Variants in NFE2L3 observed in about 807,000 individuals in gnomAD.
The protein encoded by NFE2L3 is nuclear factor erythroid 2-related factor 3.
In NFE2L3, 18 loss-of-function variants were observed where a neutral mutation model predicts 23.5. The observed-to-expected ratio is 0.77, with a 90% CI of 0.53 to 1.13. NFE2L3 has a LOEUF of 1.13. Ranked by LOEUF, NFE2L3 falls within the 50% of genes most tolerant of loss-of-function variation. The probability of loss-of-function intolerance (pLI) is 0.00; values close to 1 mark genes in which losing one functional copy is unlikely to be tolerated. For synonymous variants in NFE2L3, 424 were observed against 354.5 expected (o/e 1.20, Z -2.20); for missense variants, 1,152 against 877.2 (o/e 1.31, Z -3.96).
In NFE2L3 at chr7:26,186,500, AT is replaced by A. The variant is rs1782491428; in HGVS notation, c.*718del. The A allele has an allele frequency of 6.6e-6, 1 of 152,220 alleles. No homozygotes were observed. Among genetic ancestry groups the A allele is most frequent in the African/African-American group, 2.4e-5 (1 of 41,444 alleles). 9.4% of individuals were successfully genotyped at this position (152,220 alleles called of 1,614,324 possible). ...CCCAATACTTAACACACAGAATACTATGTGATATAGAATGCACTGAAGACCT... is the reference window on the plus strand; with the variant it reads ...CCCAATACTTAACACACAGAATACTAGTGATATAGAATGCACTGAAGACCT... On this transcript the variant is annotated 3_prime_UTR_variant, in exon 4 of 4. Transcript: ENST00000056233.
At chr7:26,169,070 CT>C (rs1784297080) in intron 1 of NFE2L3, among the ~76,000 whole-genome samples, 1 of 152,142 alleles carries the variant, frequency 6.6e-6, no homozygotes, top group African/African-American at 2.4e-5. Flanking sequence ...ACACTTGATT[CT>C]AGCCAAAAGG....
Position 26,185,889 on chromosome 7 carries a change from C to T in NFE2L3, c.*106C>T, listed in dbSNP as rs1782472515. 2 of 911,668 alleles carry T rather than the reference C, an allele frequency of 2.2e-6. No homozygotes were observed. The highest frequency in any genetic ancestry group is 3.2e-6 in the Non-Finnish European group (2 of 616,252). 56.5% of individuals were successfully genotyped at this position (911,668 alleles called of 1,614,324 possible). A position where few individuals can be genotyped will look rare whatever the true frequency, so the allele number is the denominator to read the frequency against. ...GCTTCAAGAATTGTATCTTTAAGTA[C>T]TGCTACTTGAATAACTCAGTTAACG... On this transcript the variant is annotated 3_prime_UTR_variant, in exon 4 of 4. Coordinates refer to ENST00000056233, the MANE Select transcript of NFE2L3 (RefSeq NM_004289.7).
At chr7:26,181,625 A>C (rs1413674915) in intron 2 of NFE2L3, among the ~76,000 whole-genome samples, 1 of 152,138 alleles carries the variant, frequency 6.6e-6, no homozygotes, top group African/African-American at 2.4e-5. Flanking sequence ...ACTGCTCCCC[A>C]AAATGCTCAC....
Position 26,186,521 on chromosome 7 carries a change from A to C in NFE2L3, c.*738A>C, listed in dbSNP as rs1428702425. ...TACTATGTGATATAGAATGCACTGA[A>C]GACCTACGGTCACTGGTAGTTTGAG... On this transcript the variant is annotated 3_prime_UTR_variant, in exon 4 of 4. Coordinates refer to ENST00000056233, the MANE Select transcript of NFE2L3 (RefSeq NM_004289.7). 1 of 152,334 alleles carries C rather than the reference A, an allele frequency of 6.6e-6. No individual in the cohort carries two copies. Among genetic ancestry groups the C allele is most frequent in the East Asian group, 1.9e-4 (1 of 5,190 alleles). 9.4% of individuals were successfully genotyped at this position (152,334 alleles called of 1,614,324 possible). A position where few individuals can be genotyped will look rare whatever the true frequency, so the allele number is the denominator to read the frequency against.
chr7:26,159,336 C>G (rs892025754), intron 1 of NFE2L3, among the ~76,000 whole-genome samples: 6 of 152,204 alleles, frequency 3.9e-5, no homozygotes, highest in Admixed American at 2.0e-4. Context: ...AATTCTCAAA[C>G]TCAGCTCAAC....
Position 26,185,711 on chromosome 7 carries a change from T to C in NFE2L3, c.2013T>C (p.Ser671=). Residue 671 remains serine (S), a synonymous_variant, in exon 4 of 4, where the codon AGT becomes AGC. Transcript: ENST00000056233. ...HYALQCTHDG[S]ILIVPKELVA... Reference sequence around the variant, plus strand: ...CTCTCCAGTGTACCCATGATGGAAGTATCTTGATAGTACCCAAAGAACTGG... The same window carrying C: ...CTCTCCAGTGTACCCATGATGGAAGCATCTTGATAGTACCCAAAGAACTGG... 1.2e-6 allele frequency: 2 copies of C among 1,613,486 alleles called. No homozygotes were observed. Among genetic ancestry groups the C allele is most frequent in the African/African-American group, 1.3e-5 (1 of 75,008 alleles).
intron 2 of NFE2L3, among the ~76,000 whole-genome samples, chr7:26,181,526 A>G (rs1784509256): frequency 6.6e-6 from 1 of 152,172 alleles, no homozygotes; most frequent in Non-Finnish European, 1.5e-5. Flanking sequence ...CTGAATGCAC[A>G]CTACCATCAC....
At position 26,183,689 on chromosome 7, in the gene NFE2L3, G is replaced by C; in HGVS notation, c.751-12G>C. On this transcript the variant is annotated splice_polypyrimidine_tract_variant and intron_variant, in intron 2 of 3. Transcript: ENST00000056233. The stretch of plus-strand genomic sequence containing the variant: ...TTTATGTGAAAGATGCACTTTTTGT[G>C]TTTCTCTACAGAGACATCTGAATGG... 1 of 1,578,896 alleles carries C rather than the reference G, an allele frequency of 6.3e-7. No homozygotes were observed. Among genetic ancestry groups the C allele is most frequent in the Non-Finnish European group, 8.7e-7 (1 of 1,148,604 alleles).
At position 26,185,879 on chromosome 7, in the gene NFE2L3, T is replaced by C; in HGVS notation, c.*96T>C. 9.9e-7 allele frequency: 1 copy of C among 1,011,334 alleles called. No individual in the cohort carries two copies. The highest frequency in any genetic ancestry group is 1.4e-6 in the Non-Finnish European group (1 of 703,070). The allele number at this position is 1,011,334 out of a possible 1,614,324, so 62.6% of individuals were successfully genotyped here. ...CATTGAAACTGCTTCAAGAATTGTA[T>C]CTTTAAGTACTGCTACTTGAATAAC... On this transcript the variant is annotated 3_prime_UTR_variant, in exon 4 of 4. Coordinates refer to ENST00000056233, the MANE Select transcript of NFE2L3 (RefSeq NM_004289.7).
chr7:26,156,800 T>G (rs1242077787), intron 1 of NFE2L3, among the ~76,000 whole-genome samples: 1 of 152,118 alleles, frequency 6.6e-6, no homozygotes, highest in Non-Finnish European at 1.5e-5. Flanking sequence ...TAAGACCTCT[T>G]GATTAACTGC....
intron 1 of NFE2L3, among the ~76,000 whole-genome samples, chr7:26,162,228 T>A (rs186097191): frequency 1.6e-4 from 24 of 151,260 alleles, no homozygotes; most frequent in Admixed American, 1.4e-3. Context: ...TTCTGAAAAG[T>A]TCTATATCGT....
chr7:26,168,297 TG>T (rs2128098568), intron 1 of NFE2L3, among the ~76,000 whole-genome samples: 1 of 151,648 alleles, frequency 6.6e-6, no homozygotes, highest in South Asian at 2.1e-4. Flanking sequence ...CCACCACACC[TG>T]GCTAATTTTT....
In NFE2L3 at chr7:26,152,571, G is replaced by GGA; in HGVS notation, c.74_75insAG (p.Leu26GlyfsTer4). ...CCTCACCCTCCTGCTGAGCTTGGCG[G>GGA]GGCTCCGCGTAGACCTAGATCTTTA... On this transcript the variant is annotated frameshift_variant, in exon 1 of 4. Transcript: ENST00000056233. LOFTEE classifies it high-confidence loss of function. The surrounding 1 kb of genome is among the most constrained non-coding windows in gnomAD (Gnocchi z 4.4). 6.5e-7 allele frequency: 1 copy of GGA among 1,531,234 alleles called. No individual in the cohort carries two copies. The highest frequency in any genetic ancestry group is 8.7e-7 in the Non-Finnish European group (1 of 1,148,474). The allele number at this position is 1,531,234 out of a possible 1,614,324, so 94.9% of individuals were successfully genotyped here.
At chr7:26,178,201 A>T (rs1354185136) in intron 2 of NFE2L3, 79 bp downstream of exon 2, 3 of 1,258,722 alleles carry the variant, frequency 2.4e-6, no homozygotes, top group Non-Finnish European at 3.3e-6. Flanking sequence ...TGTGTCAAGA[A>T]TGAGCATGTA....
chr7:26,179,499 C>CAA (rs201128349), intron 2 of NFE2L3, among the ~76,000 whole-genome samples: 19 of 96,638 alleles, frequency 2.0e-4, no homozygotes, highest in South Asian at 3.2e-4. Flanking sequence ...GACCCTGTCT[C>CAA]AAAAAAAAAA....
chr7:26,183,208 T>C (rs1010052619), intron 2 of NFE2L3, among the ~76,000 whole-genome samples: 10 of 152,186 alleles, frequency 6.6e-5, no homozygotes, highest in Non-Finnish European at 1.3e-4. Context: ...AAATACTGAT[T>C]AGCTTTGGAC....
intron 1 of NFE2L3, among the ~76,000 whole-genome samples, chr7:26,165,806 G>T (rs1366258710): frequency 6.6e-6 from 1 of 152,076 alleles, no homozygotes; most frequent in African/African-American, 2.4e-5. Flanking sequence ...GCTTTTATTA[G>T]TTTGAGATAC....
chr7:26,181,266 T>C (rs1361828220), intron 2 of NFE2L3, among the ~76,000 whole-genome samples: 1 of 152,214 alleles, frequency 6.6e-6, no homozygotes, highest in Non-Finnish European at 1.5e-5. Flanking sequence ...TGTGAGCCAC[T>C]GCACCCAGCC....
chr7:26,155,771 A>T (rs1784072936), intron 1 of NFE2L3, among the ~76,000 whole-genome samples: 1 of 152,218 alleles, frequency 6.6e-6, no homozygotes, highest in Non-Finnish European at 1.5e-5. Flanking sequence ...CTTTGCGGTC[A>T]GCTAGACCTG....
Sources: gnomAD v4.1 joint callset for allele counts (sites outside exome capture counted in the v4.1 genomes callset) on GRCh38, gnomAD v4.1.1 for gene constraint, Gnocchi (gnomAD v3.1) non-coding constraint, MANE v1.5 for transcripts, NCBI Gene and HGNC (gene_info 2026-07-23, HGNC 2026-07-21) for gene names.